Variants in TBC1D5 observed in about 807,000 individuals in gnomAD.
TBC1D5 encodes TBC1 domain family, member 5.
In TBC1D5, 75 loss-of-function variants were observed where a neutral mutation model predicts 100.3. That is an observed-to-expected ratio of 0.75 (90% CI 0.62 to 0.91). The LOEUF is 0.91. Among genes scored for constraint, TBC1D5 ranks in the 40% least tolerant of loss-of-function variants. TBC1D5 has a pLI of 0.00. For synonymous variants in TBC1D5, 323 were observed against 325.6 expected (o/e 0.99, Z 0.09); for missense variants, 910 against 942.4 (o/e 0.97, Z 0.45).
exon 22 of TBC1D5, chr3:17,157,409 T>C (rs1407442113): frequency 6.6e-6 from 1 of 152,238 alleles, no homozygotes; most frequent in East Asian, 1.9e-4. Context: ...TATATATCTT[T>C]TTAACAGTAT....
chr3:17,171,198 T>A (rs2067139411), intron 19 of TBC1D5, among the ~76,000 whole-genome samples: 1 of 152,058 alleles, frequency 6.6e-6, no homozygotes, highest in Non-Finnish European at 1.5e-5. Context: ...GTGACAGGGA[T>A]CACAGTTTAA....
intron 2 of TBC1D5, among the ~76,000 whole-genome samples, chr3:17,555,667 A>G (rs964393797): frequency 6.6e-6 from 1 of 152,212 alleles, no homozygotes; most frequent in African/African-American, 2.4e-5. Context: ...GCCATTTCAA[A>G]ACATGTTAAA....
At chr3:17,515,606 G>A (rs1273202862) in intron 2 of TBC1D5, among the ~76,000 whole-genome samples, 1 of 152,164 alleles carries the variant, frequency 6.6e-6, no homozygotes, top group Non-Finnish European at 1.5e-5. Context: ...CACTTAATAA[G>A]TGGCCTAACA....
chr3:17,282,586 T>C (rs2080727378), intron 15 of TBC1D5, among the ~76,000 whole-genome samples: 1 of 152,220 alleles, frequency 6.6e-6, no homozygotes, highest in South Asian at 2.1e-4. Flanking sequence ...AAAGGAACCT[T>C]GTCTTCTAAA....
intron 1 of TBC1D5, among the ~76,000 whole-genome samples, chr3:17,642,959 G>T (rs2064669351): frequency 6.6e-6 from 1 of 152,006 alleles, no homozygotes; most frequent in Admixed American, 6.6e-5. Flanking sequence ...CTATATTACA[G>T]TTATTAAAAT....
chr3:17,662,828 CATG>C (rs1346379355), intron 1 of TBC1D5, among the ~76,000 whole-genome samples: 7 of 151,948 alleles, frequency 4.6e-5, no homozygotes, highest in East Asian at 1.9e-4. Context: ...CACTGCATGG[CATG>C]ATATGTATGG....
chr3:17,654,024 T>C (rs1004398230), intron 1 of TBC1D5, among the ~76,000 whole-genome samples: 1 of 152,106 alleles, frequency 6.6e-6, no homozygotes, highest in African/African-American at 2.4e-5. Flanking sequence ...AGAGAGTAGA[T>C]TCCTCAGTCA....
rs200020116 is a variant in TBC1D5 at position 17,272,045 on chromosome 3, AG to A, written c.1246-13455del. Among the ~76,000 whole-genome samples the A allele has an allele frequency of 9.2e-3, 1,394 of 152,206 alleles. 52 individuals are homozygous for A. The highest frequency in any genetic ancestry group is 0.071 in the Admixed American group (1,084 of 15,278). On this transcript the variant is annotated intron_variant, in intron 15 of 21. Coordinates refer to ENST00000253692, the Ensembl canonical transcript of TBC1D5. ...AAGTCACAATGGAACAGTAATCTGA[AG>A]GATGAATAGGCATTTACAACATTTG...
chr3:17,166,624 C>T (rs2066629155), intron 21 of TBC1D5, 143 bp downstream of exon 22: 12 of 1,093,342 alleles, frequency 1.1e-5, no homozygotes, highest in Non-Finnish European at 1.4e-5. Context: ...ACAGCCTGCA[C>T]AGCTGTACAC....
intron 3 of TBC1D5, among the ~76,000 whole-genome samples, chr3:17,455,192 G>A (rs905592480): frequency 2.8e-5 from 4 of 141,902 alleles, no homozygotes; most frequent in African/African-American, 7.8e-5. Context: ...ACGTGTGTGT[G>A]TATATATATG....
chr3:17,631,295 G>A (rs2063491795), intron 1 of TBC1D5, among the ~76,000 whole-genome samples: 1 of 152,128 alleles, frequency 6.6e-6, no homozygotes, highest in Non-Finnish European at 1.5e-5. Flanking sequence ...CCATGAAGAT[G>A]AGAGGCAGTA....
intron 19 of TBC1D5, among the ~76,000 whole-genome samples, chr3:17,176,748 A>G (rs1026164609): frequency 1.2e-4 from 18 of 151,954 alleles, no homozygotes; most frequent in African/African-American, 4.4e-4. Context: ...GTGTATACCT[A>G]TGTAACAAAC....
At chr3:17,527,227 T>C (rs2096148752) in intron 2 of TBC1D5, among the ~76,000 whole-genome samples, 1 of 152,174 alleles carries the variant, frequency 6.6e-6, no homozygotes, top group South Asian at 2.1e-4. Flanking sequence ...GGAGCTTATC[T>C]GAGAAAGTGT....
At chr3:17,730,670 T>C (rs2076481132) in intron 1 of TBC1D5, among the ~76,000 whole-genome samples, 1 of 152,190 alleles carries the variant, frequency 6.6e-6, no homozygotes, top group African/African-American at 2.4e-5. Flanking sequence ...AGTAAATAAA[T>C]ATTACTGTTG....
intron 3 of TBC1D5, among the ~76,000 whole-genome samples, chr3:17,481,933 G>A (rs985140958): frequency 5.3e-5 from 8 of 152,108 alleles, no homozygotes; most frequent in Admixed American, 2.0e-4. Context: ...TAGAGACGGG[G>A]TTTTACTATG....
intron 13 of TBC1D5, among the ~76,000 whole-genome samples, chr3:17,359,961 A>G (rs1239792482): frequency 6.6e-6 from 1 of 152,002 alleles, no homozygotes; most frequent in African/African-American, 2.4e-5. Flanking sequence ...TGTTTTACCC[A>G]CATTTAACTA....
At chr3:17,483,913 T>A (rs939424055) in intron 3 of TBC1D5, among the ~76,000 whole-genome samples, 1 of 152,206 alleles carries the variant, frequency 6.6e-6, no homozygotes, top group African/African-American at 2.4e-5. Context: ...CATACCTTAT[T>A]TAGTTCTTAA....
chr3:17,161,899 G>T (rs561364648), intron 21 of TBC1D5, among the ~76,000 whole-genome samples: 1 of 152,284 alleles, frequency 6.6e-6, no homozygotes, highest in Non-Finnish European at 1.5e-5. Context: ...TAACCGGTAG[G>T]TTCTACAAAT....
At chr3:17,256,019 A>G (rs749506683) in intron 16 of TBC1D5, among the ~76,000 whole-genome samples, 4 of 152,192 alleles carry the variant, frequency 2.6e-5, no homozygotes, top group African/African-American at 9.6e-5. Flanking sequence ...CTGGGCGACA[A>G]AGCGAGACTC....
Sources: allele counts gnomAD v4.1 joint callset (sites outside exome capture counted in the v4.1 genomes callset), GRCh38; gene constraint gnomAD v4.1.1; transcripts MANE v1.5; gene names NCBI Gene and HGNC (gene_info 2026-07-23, HGNC 2026-07-21).